Variants in OPRM1 observed in about 807,000 individuals in gnomAD.
The protein encoded by OPRM1 is mu-type opioid receptor.
In OPRM1, 27 loss-of-function variants were observed where a neutral mutation model predicts 31.8. The observed-to-expected ratio is 0.85, with a 90% CI of 0.63 to 1.17. OPRM1 has a LOEUF of 1.17. OPRM1 is among the 50% of genes most tolerant of loss of function. The pLI is 0.00. For synonymous variants in OPRM1, 196 were observed against 189.9 expected (o/e 1.03, Z -0.26); for missense variants, 536 against 511.1 (o/e 1.05, Z -0.47).
chr6:154,200,454 C>T (rs1776970149), intron 3 of OPRM1, among the ~76,000 whole-genome samples: 1 of 152,224 alleles, frequency 6.6e-6, no homozygotes, highest in Non-Finnish European at 1.5e-5. Context: ...GGTGCGATGG[C>T]TCATGCCTGT....
At position 154,091,123 on chromosome 6, in the gene OPRM1, A is replaced by G. The variant is rs1357560693; in HGVS notation, c.815A>G (p.Glu272Gly). ...GTCCGCATGCTCTCTGGCTCCAAAG[A>G]AAAGGACAGGAATCTTCGAAGGATC... ...KSVRMLSGSK[E>G]KDRNLRRITR... The change falls in exon 3 of 4, where the codon GAA (glutamate) becomes GGA (glycine). Residue 272 changes from glutamate (E) to glycine (G), a missense_variant. Physicochemically the swap from Glu to Gly is moderately conservative, Grantham distance 98. Transcript: ENST00000330432. 2 of 1,614,056 alleles carry G rather than the reference A, an allele frequency of 1.2e-6. No individual in the cohort carries two copies. Among genetic ancestry groups the G allele is most frequent in the Non-Finnish European group, 1.7e-6 (2 of 1,180,036 alleles).
At chr6:154,042,598 G>C (rs1179702643) in intron 1 of OPRM1, among the ~76,000 whole-genome samples, 1 of 152,102 alleles carries the variant, frequency 6.6e-6, no homozygotes, top group African/African-American at 2.4e-5. Context: ...CTTTGGTTCT[G>C]TTTGTAACAC....
intron 3 of OPRM1, among the ~76,000 whole-genome samples, chr6:154,180,414 A>ATATATATATATATTTTTT (rs1241250621): frequency 1.5e-5 from 1 of 65,268 alleles, no homozygotes. Flanking sequence ...ATATATATAT[A>ATATATATATATATTTTTT]TTTTTTTTTT....
intron 3 of OPRM1, among the ~76,000 whole-genome samples, chr6:154,148,507 C>A (rs774718614): frequency 3.3e-5 from 5 of 152,178 alleles, no homozygotes; most frequent in Admixed American, 1.3e-4. Flanking sequence ...GTTCATGAGC[C>A]CATGCACATG....
rs183353523 is a variant in OPRM1 at position 154,164,481 on chromosome 6, C to T, written c.1164+73009C>T. 2.7e-4 allele frequency among the ~76,000 whole-genome samples: 41 copies of T among 152,326 alleles called. 1 individual carries two copies. The highest frequency in any genetic ancestry group is 9.9e-4 in the African/African-American group (41 of 41,578). The stretch of plus-strand genomic sequence containing the variant: ...CAGGCATCCTGGGGCTGGGCCTCAT[C>T]CAGCAGCCCAGCTTCTCCTGGATGG... On this transcript the variant is annotated intron_variant, in intron 3 of 3. Coordinates refer to the OPRM1 transcript ENST00000337049.
intron 3 of OPRM1, chr6:154,159,801 A>G: frequency 1.9e-6 from 3 of 1,549,304 alleles, no homozygotes; most frequent in Non-Finnish European, 2.7e-6. Flanking sequence ...GTGATAAAAT[A>G]TAAGAGGAGA....
chr6:154,239,174 G>T lies in OPRM1; in HGVS notation c.1165-7519G>T, dbSNP rs571731190. Among the ~76,000 whole-genome samples, 4 of 152,204 alleles carry T rather than the reference G, an allele frequency of 2.6e-5. No homozygotes were observed. The South Asian group carries it at 8.3e-4, about 32-fold the overall frequency. On this transcript the variant is annotated intron_variant, in intron 3 of 3. Transcript: ENST00000337049. ...GGTGTTCCACAGTTAATTTTGAAAAGTTTGGAAAGAATTTAAAGGAAAATA... is the reference window on the plus strand; with the variant it reads ...GGTGTTCCACAGTTAATTTTGAAAATTTTGGAAAGAATTTAAAGGAAAATA...
intron 3 of OPRM1, among the ~76,000 whole-genome samples, chr6:154,193,885 C>T (rs1338359272): frequency 2.0e-5 from 3 of 152,132 alleles, no homozygotes; most frequent in Admixed American, 6.5e-5. Context: ...ACAAAAAGTG[C>T]TCAAAAAACT....
Position 154,119,060 on chromosome 6 carries a change from A to T in OPRM1, c.*339A>T, listed in dbSNP as rs1797160830. 9 of 1,048,892 alleles carry T rather than the reference A, an allele frequency of 8.6e-6. No homozygotes were observed. Among genetic ancestry groups the T allele is most frequent in the African/African-American group, 1.7e-5 (1 of 59,508 alleles). The allele number at this position is 1,048,892 out of a possible 1,614,324, so 65.0% of individuals were successfully genotyped here. A position where few individuals can be genotyped will look rare whatever the true frequency, so the allele number is the denominator to read the frequency against. ...TTTTATTTTCAAGCAAATATTTATGACCTCAACAAAGAAGAACCATCTTTT... is the reference window on the plus strand; with the variant it reads ...TTTTATTTTCAAGCAAATATTTATGTCCTCAACAAAGAAGAACCATCTTTT... On this transcript the variant is annotated 3_prime_UTR_variant, in exon 4 of 4. Coordinates refer to ENST00000330432, the MANE Select transcript of OPRM1 (RefSeq NM_000914.5).
intron 3 of OPRM1, chr6:154,160,182 A>G: frequency 1.5e-6 from 1 of 683,386 alleles, no homozygotes; most frequent in Non-Finnish European, 2.5e-6. Flanking sequence ...TAATTCCAGC[A>G]TTAAGCTTAA....
At chr6:154,101,891 A>G (rs1794883816) in intron 3 of OPRM1, among the ~76,000 whole-genome samples, 1 of 152,212 alleles carries the variant, frequency 6.6e-6, no homozygotes, top group Non-Finnish European at 1.5e-5. Context: ...AAGGGGAAGC[A>G]TTACAATTAG....
intron 3 of OPRM1, among the ~76,000 whole-genome samples, chr6:154,179,205 T>C (rs139700999): frequency 3.9e-5 from 6 of 152,322 alleles, no homozygotes; most frequent in African/African-American, 7.2e-5. Context: ...ACACAGCTTG[T>C]ACCTGACCCC....
In OPRM1 at chr6:154,172,723, G is replaced by C. The variant is rs552341553; in HGVS notation, c.1165-73970G>C. ...GCTGCCTCTCTAGATTCCACCTCTG[G>C]GGGCAGGGCATATCTGAACAAAAGG... On this transcript the variant is annotated intron_variant, in intron 3 of 3. Transcript: ENST00000337049. 2.6e-4 allele frequency among the ~76,000 whole-genome samples: 39 copies of C among 152,362 alleles called. No individual in the cohort carries two copies. In the South Asian group the frequency reaches 7.3e-3, roughly 28 times the overall value.
At chr6:154,243,374 G>C (rs1780754916) in intron 3 of OPRM1, among the ~76,000 whole-genome samples, 1 of 152,202 alleles carries the variant, frequency 6.6e-6, no homozygotes, top group African/African-American at 2.4e-5. Context: ...ATACTCTGTG[G>C]CGTGAAAAAT....
intron 3 of OPRM1, among the ~76,000 whole-genome samples, chr6:154,096,708 A>ACAGCCAGGAAGAGGTAGAATCCAGACAAG (rs1167425678): frequency 6.6e-6 from 1 of 152,154 alleles, no homozygotes; most frequent in Non-Finnish European, 1.5e-5. Context: ...ATAAGATCAA[A>ACAGCCAGGAAGAGGTAGAATCCAGACAAG]CAGCCAGGAA....
chr6:154,093,545 AAAG>A (rs1420955364), intron 3 of OPRM1: 4 of 1,546,094 alleles, frequency 2.6e-6, no homozygotes, highest in Non-Finnish European at 3.5e-6. Context: ...ATAGAAGAGA[AAAG>A]AAGCTAATTG....
intron 3 of OPRM1, among the ~76,000 whole-genome samples, chr6:154,099,282 C>CGAAAGGAAGGAAGGAAG (rs1793949637): frequency 9.9e-6 from 1 of 101,426 alleles, no homozygotes. Flanking sequence ...GAGAGTCTGT[C>CGAAAGGAAGGAAGGAAG]GAAAGGAAGG....
In OPRM1 at chr6:154,112,312, GAA is replaced by G. The variant is rs575420374; in HGVS notation, c.1165-6369_1165-6368del. On this transcript the variant is annotated intron_variant, in intron 3 of 3. Coordinates refer to ENST00000330432, the MANE Select transcript of OPRM1 (RefSeq NM_000914.5). ...GCTTTTCACAATTTTATGGGTGCTA[GAA>G]ATAGCATGACTCAGTGGACCAGAGA... Among the ~76,000 whole-genome samples the G allele has an allele frequency of 1.1e-4, 17 of 152,196 alleles. 1 individual carries two copies. The South Asian group carries it at 1.4e-3, about 13-fold the overall frequency.
At chr6:154,090,816 T>G (rs920916576) in intron 2 of OPRM1, 136 bp from the exon 3 acceptor site, 3 of 748,432 alleles carry the variant, frequency 4.0e-6, no homozygotes, top group African/African-American at 3.5e-5. Flanking sequence ...ACAACTGAGT[T>G]TCTTCCACAA....
Sources: gnomAD v4.1 joint callset for allele counts (sites outside exome capture counted in the v4.1 genomes callset) on GRCh38, gnomAD v4.1.1 for gene constraint, MANE v1.5 for transcripts, NCBI Gene and HGNC (gene_info 2026-07-23, HGNC 2026-07-21) for gene names.